Variants in RAB3IL1 observed in about 807,000 individuals in gnomAD.
RAB3IL1 encodes the protein guanine nucleotide exchange factor for Rab-3A.
In RAB3IL1, 37 loss-of-function variants were observed where a neutral mutation model predicts 49.2. The observed-to-expected ratio is 0.75, with a 90% CI of 0.58 to 0.99. RAB3IL1 has a LOEUF of 0.99. Ranked by LOEUF, RAB3IL1 falls within the 50% of genes least tolerant of loss-of-function variation. The probability of loss-of-function intolerance (pLI) is 0.00; values close to 1 mark genes in which losing one functional copy is unlikely to be tolerated. For missense variants in RAB3IL1, 484 were observed against 513.0 expected (o/e 0.94, Z 0.55); for synonymous variants, 193 against 213.9 (o/e 0.90, Z 0.85).
chr11:61,902,130 C>T (rs1045920476), intron 8 of RAB3IL1, among the ~76,000 whole-genome samples: 2 of 151,952 alleles, frequency 1.3e-5, no homozygotes, highest in South Asian at 2.1e-4. Flanking sequence ...GCCTGGCCAA[C>T]GTGGTGAAAC....
intron 1 of RAB3IL1, among the ~76,000 whole-genome samples, chr11:61,915,220 G>A (rs1339587784): frequency 1.3e-5 from 2 of 152,186 alleles, no homozygotes; most frequent in Non-Finnish European, 2.9e-5. Flanking sequence ...GTGCATGCAG[G>A]AAGTGAGCCA....
chr11:61,908,280 G>T lies in RAB3IL1; in HGVS notation c.38C>A (p.Pro13Gln), dbSNP rs773111813. 9 of 1,496,858 alleles carry T rather than the reference G, an allele frequency of 6.0e-6. No homozygotes were observed. Among genetic ancestry groups the T allele is most frequent in the Non-Finnish European group, 7.1e-6 (8 of 1,125,450 alleles). The allele number at this position is 1,496,858 out of a possible 1,614,324, so 92.7% of individuals were successfully genotyped here. Residue 13 changes from proline to glutamine, a missense_variant, in exon 2 of 10, where the codon CCG (proline) becomes CAG (glutamine). Transcript: ENST00000394836. ...GACCGGGACAGCTGCAAGGGGCGGC[G>T]GGAGGCCCTGGTCTGGCTGGGGTGG... ...SGPPQPDQGL[P>Q]PPLAAVPVPW...
chr11:61,917,306 G>A (rs1939738772), intron 1 of RAB3IL1, 51 bp downstream of exon 1: 2 of 1,354,520 alleles, frequency 1.5e-6, no homozygotes, highest in Non-Finnish European at 1.9e-6. Flanking sequence ...CGTCCCGGGA[G>A]GCGACCGCGG....
chr11:61,906,988 A>G lies in RAB3IL1; in HGVS notation c.439-304T>C, dbSNP rs1331449145. ...AGTTCTGGGACCGCCCCCAGGAGCC[A>G]GGAAAGGCCCAGGCCTCACATTTTG... On this transcript the variant is annotated intron_variant, in intron 4 of 9. Coordinates refer to ENST00000394836, the MANE Select transcript of RAB3IL1 (RefSeq NM_013401.4). This position sits in a 1 kb window ranked among gnomAD's most constrained non-coding sequence, Gnocchi z 4.6. Among the ~76,000 whole-genome samples the G allele has an allele frequency of 1.3e-5, 2 of 152,246 alleles. No individual in the cohort carries two copies. The highest frequency in any genetic ancestry group is 2.9e-5 in the Non-Finnish European group (2 of 68,032).
At chr11:61,933,530 G>A in the RAB3IL1 span, among the ~76,000 whole-genome samples, 21 of 152,240 alleles carry the variant, frequency 1.4e-4, no homozygotes, top group Admixed American at 5.2e-4. Flanking sequence ...TTAGAGTCAC[G>A]TAGTTTGTGA....
chr11:61,924,315 G>A (rs949807332), upstream of RAB3IL1, among the ~76,000 whole-genome samples: 13 of 152,124 alleles, frequency 8.5e-5, no homozygotes, highest in African/African-American at 2.9e-4. Context: ...CCAGTAAGTC[G>A]TCATCTTTGC....
At chr11:61,914,834 A>G (rs12282133) in intron 1 of RAB3IL1, among the ~76,000 whole-genome samples, 5,422 of 152,058 alleles carry the variant, frequency 0.036, 372 homozygotes, top group African/African-American at 0.13. Flanking sequence ...GGGGTCACCA[A>G]CTCCTAATCC....
intron 1 of RAB3IL1, among the ~76,000 whole-genome samples, chr11:61,911,295 A>G (rs1316584737): frequency 6.6e-6 from 1 of 152,176 alleles, no homozygotes. Flanking sequence ...CAACTCCCCA[A>G]CGCCAAAGGT....
At chr11:61,922,053 C>T (rs1316960890), upstream of RAB3IL1, among the ~76,000 whole-genome samples, 1 of 151,546 alleles carries the variant, frequency 6.6e-6, no homozygotes, top group Non-Finnish European at 1.5e-5. Flanking sequence ...ACTAAAAATA[C>T]AAAAAATTAG....
intron 1 of RAB3IL1, among the ~76,000 whole-genome samples, chr11:61,910,963 T>C (rs1302350852): frequency 6.6e-6 from 1 of 152,188 alleles, no homozygotes; most frequent in Non-Finnish European, 1.5e-5. Flanking sequence ...GGCCCTCCCA[T>C]GGGGGCCGAG....
chr11:61,945,550 C>G, the RAB3IL1 span, among the ~76,000 whole-genome samples: 1 of 152,228 alleles, frequency 6.6e-6, no homozygotes, highest in Non-Finnish European at 1.5e-5. Context: ...GGACTAGAAA[C>G]TTACCATTCT....
At chr11:61,909,501 G>C (rs938673529) in intron 1 of RAB3IL1, among the ~76,000 whole-genome samples, 73 of 152,344 alleles carry the variant, frequency 4.8e-4, no homozygotes, top group African/African-American at 1.7e-3. Flanking sequence ...GCCCGGTCCA[G>C]CTGCCCAGCC....
chr11:61,922,865 C>T (rs540967615), upstream of RAB3IL1, among the ~76,000 whole-genome samples: 3 of 152,358 alleles, frequency 2.0e-5, no homozygotes, highest in East Asian at 3.9e-4. Context: ...TCTCTGATCC[C>T]CCTGCTCAAT....
At chr11:61,931,425 C>G in the RAB3IL1 span, among the ~76,000 whole-genome samples, 1 of 152,310 alleles carries the variant, frequency 6.6e-6, no homozygotes, top group East Asian at 1.9e-4. Flanking sequence ...GAAGAGAGAT[C>G]TAAGACGAAT....
At chr11:61,938,122 G>A in the RAB3IL1 span, 1 of 152,238 alleles carries the variant, frequency 6.6e-6, no homozygotes, top group African/African-American at 2.4e-5. Context: ...TCCAGGCTAG[G>A]GGCAGTGACT....
chr11:61,934,332 A>ACACACC, the RAB3IL1 span, among the ~76,000 whole-genome samples: 3 of 136,410 alleles, frequency 2.2e-5, no homozygotes, highest in Non-Finnish European at 4.9e-5. Context: ...ACACACACAC[A>ACACACC]CACACACACA....
chr11:61,917,844 G>A (rs992707997), upstream of RAB3IL1, among the ~76,000 whole-genome samples: 21 of 152,056 alleles, frequency 1.4e-4, no homozygotes, highest in Non-Finnish European at 2.6e-4. Context: ...CGAGCTCTCA[G>A]CTCTTCGATT....
At chr11:61,899,741 CA>C in intron 8 of RAB3IL1, 1 of 253,048 alleles carries the variant, frequency 4.0e-6, no homozygotes, top group Non-Finnish European at 7.9e-6. Context: ...ATGAACCGGG[CA>C]GGCTGTCCCG....
At chr11:61,924,436 C>G (rs146634022), upstream of RAB3IL1, among the ~76,000 whole-genome samples, 14 of 152,274 alleles carry the variant, frequency 9.2e-5, no homozygotes, top group East Asian at 5.8e-4. Context: ...TTAACCTACT[C>G]GAGGACAAGG....
Sources: allele counts gnomAD v4.1 joint callset (sites outside exome capture counted in the v4.1 genomes callset), GRCh38; gene constraint gnomAD v4.1.1; non-coding constraint Gnocchi (gnomAD v3.1); transcripts MANE v1.5; gene names NCBI Gene and HGNC (gene_info 2026-07-23, HGNC 2026-07-21).